Variants in IGF1 observed in about 807,000 individuals in gnomAD.
The protein encoded by IGF1 is insulin like growth factor 1.
A neutral mutation model predicts 13.8 loss-of-function variants in IGF1; 4 were observed. The observed-to-expected ratio is 0.29, with a 90% CI of 0.14 to 0.66. The LOEUF (loss-of-function observed/expected upper bound fraction) is 0.66. Among genes scored for constraint, IGF1 ranks in the 30% least tolerant of loss-of-function variants. The pLI, the probability that IGF1 is intolerant of heterozygous loss-of-function variation, is 0.78. For missense variants in IGF1, 124 were observed against 188.5 expected (o/e 0.66, Z 2.00); for synonymous variants, 76 against 72.6 (o/e 1.05, Z -0.23).
Position 102,432,954 on chromosome 12 carries a change from G to T in IGF1, c.221-13264C>A, listed in dbSNP as rs1036709104. 2.6e-5 allele frequency among the ~76,000 whole-genome samples: 4 copies of T among 152,100 alleles called. No individual in the cohort carries two copies. The South Asian group carries it at 8.3e-4, about 32-fold the overall frequency. On this transcript the variant is annotated intron_variant, in intron 2 of 3. Transcript: ENST00000337514. ...AGTACGTATGAGGTTTCTTCTCTGG[G>T]GTAGGGAGAGAGGTTCAACACACAG... is the stretch of plus-strand genomic sequence containing the variant.
intron 2 of IGF1, among the ~76,000 whole-genome samples, chr12:102,461,244 C>A (rs921966746): frequency 1.3e-5 from 2 of 152,216 alleles, no homozygotes; most frequent in Non-Finnish European, 2.9e-5. Flanking sequence ...CTTCAGATAT[C>A]AAGGCCTTCA....
intron 2 of IGF1, among the ~76,000 whole-genome samples, chr12:102,460,366 T>C: frequency 6.6e-6 from 1 of 152,174 alleles, no homozygotes; most frequent in East Asian, 1.9e-4. Context: ...ACTCAATAGA[T>C]GGTGTGGACT....
chr12:102,417,684 T>A (rs1875268001), intron 3 of IGF1: 1 of 1,491,102 alleles, frequency 6.7e-7, no homozygotes, highest in African/African-American at 1.4e-5. Flanking sequence ...GTTACTTCTA[T>A]TTCCATCACA....
chr12:102,436,692 CAAA>C (rs201581744), intron 2 of IGF1, among the ~76,000 whole-genome samples: 3 of 148,266 alleles, frequency 2.0e-5, no homozygotes, highest in Admixed American at 2.0e-4. Context: ...TTTAATTTTG[CAAA>C]AAAAAAATTA....
intron 3 of IGF1, chr12:102,417,757 A>G: frequency 1.2e-6 from 2 of 1,601,498 alleles, no homozygotes; most frequent in Non-Finnish European, 1.7e-6. Context: ...TCTGCTTTTC[A>G]TTCTTGCTGT....
upstream of IGF1, among the ~76,000 whole-genome samples, chr12:102,481,347 CTGTG>C (rs3033407): frequency 0.12 from 16,667 of 139,910 alleles, 1,426 homozygotes; most frequent in African/African-American, 0.26. Flanking sequence ...TAACTCAAAC[CTGTG>C]TGTGTGTGTG....
At chr12:102,453,709 G>C (rs1186790943) in intron 2 of IGF1, among the ~76,000 whole-genome samples, 1 of 152,158 alleles carries the variant, frequency 6.6e-6, no homozygotes, top group East Asian at 1.9e-4. Context: ...AGGGATGTGG[G>C]GATGGAAGAA....
At chr12:102,448,412 C>A (rs950719077) in intron 2 of IGF1, among the ~76,000 whole-genome samples, 4 of 147,062 alleles carry the variant, frequency 2.7e-5, no homozygotes, top group African/African-American at 1.0e-4. Context: ...AATTGGAAAC[C>A]ATCATTCTCA....
chr12:102,478,278 G>GA (rs926422681), intron 1 of IGF1, among the ~76,000 whole-genome samples: 5 of 133,758 alleles, frequency 3.7e-5, no homozygotes, highest in African/African-American at 1.1e-4. Flanking sequence ...AGATATGATA[G>GA]AAAAAAAAGG....
chr12:102,414,193 T>A (rs1874886574), intron 3 of IGF1, among the ~76,000 whole-genome samples: 1 of 151,974 alleles, frequency 6.6e-6, no homozygotes. Flanking sequence ...GACACACACA[T>A]GCACACACTA....
At chr12:102,448,703 A>G (rs77551861) in intron 2 of IGF1, among the ~76,000 whole-genome samples, 1 of 151,138 alleles carries the variant, frequency 6.6e-6, no homozygotes, top group Non-Finnish European at 1.5e-5. Context: ...AAAAAAAAAA[A>G]AAAAAAAAAA....
chr12:102,467,143 A>G (rs750588013), intron 2 of IGF1, among the ~76,000 whole-genome samples: 5 of 152,130 alleles, frequency 3.3e-5, no homozygotes, highest in South Asian at 2.1e-4. Flanking sequence ...GACCCATTTC[A>G]TCAGGGTAAA....
intron 2 of IGF1, among the ~76,000 whole-genome samples, chr12:102,457,562 A>T (rs1318242485): frequency 6.6e-6 from 1 of 152,184 alleles, no homozygotes; most frequent in Non-Finnish European, 1.5e-5. Context: ...CTAGCCAAGG[A>T]CCCAGGCAGA....
intron 2 of IGF1, among the ~76,000 whole-genome samples, chr12:102,460,309 G>T (rs1879796885): frequency 6.6e-6 from 1 of 152,186 alleles, no homozygotes; most frequent in Admixed American, 6.5e-5. Context: ...GCATAGAGCT[G>T]TGCTTTACTC....
chr12:102,411,014 A>G (rs1234446190), intron 3 of IGF1, among the ~76,000 whole-genome samples: 2 of 152,210 alleles, frequency 1.3e-5, no homozygotes, highest in Admixed American at 6.5e-5. Flanking sequence ...TACAGTTTTA[A>G]AAAAATCAGA....
At chr12:102,474,806 T>G (rs984900916) in intron 2 of IGF1, among the ~76,000 whole-genome samples, 1 of 152,252 alleles carries the variant, frequency 6.6e-6, no homozygotes, top group African/African-American at 2.4e-5. Flanking sequence ...CTAGATTCTT[T>G]AAGTGATCAG....
intron 2 of IGF1, among the ~76,000 whole-genome samples, chr12:102,451,250 G>C (rs1212350479): frequency 6.6e-6 from 1 of 152,230 alleles, no homozygotes; most frequent in Non-Finnish European, 1.5e-5. Context: ...GTAACTCTTT[G>C]ATGCATTTGA....
chr12:102,415,346 T>C (rs1874999156), intron 3 of IGF1, among the ~76,000 whole-genome samples: 1 of 152,056 alleles, frequency 6.6e-6, no homozygotes, highest in African/African-American at 2.4e-5. Flanking sequence ...TGGGTATTGA[T>C]ACTGGAAAGA....
chr12:102,398,819 C>A lies in IGF1; in HGVS notation c.*3688G>T, dbSNP rs1347244622. The A allele has an allele frequency of 6.7e-6, 1 of 150,288 alleles. No homozygotes were observed. The highest frequency in any genetic ancestry group is 1.5e-5 in the Non-Finnish European group (1 of 67,612). 9.3% of individuals were successfully genotyped at this position (150,288 alleles called of 1,614,324 possible). ...TTTTTCTTTTTTTTTTAGTCAAGTA[C>A]TTTCTTAAAGAAACAATAGCACCAC... On this transcript the variant is annotated 3_prime_UTR_variant, in exon 4 of 4. Coordinates refer to ENST00000337514, the MANE Select transcript of IGF1 (RefSeq NM_000618.5).
Sources: allele counts gnomAD v4.1 joint callset (sites outside exome capture counted in the v4.1 genomes callset), GRCh38; gene constraint gnomAD v4.1.1; transcripts MANE v1.5; gene names NCBI Gene and HGNC (gene_info 2026-07-23, HGNC 2026-07-21).